The following NDNF variants were observed in gnomAD, a reference collection of about 807,000 sequenced individuals.
The protein encoded by NDNF is neuron derived neurotrophic factor, also known as protein NDNF.
In NDNF, 16 loss-of-function variants were observed where a neutral mutation model predicts 42.0. That is an observed-to-expected ratio of 0.38 (90% CI 0.26 to 0.58). The LOEUF (loss-of-function observed/expected upper bound fraction) is 0.58. NDNF is among the 20% of genes least tolerant of loss of function. The probability of loss-of-function intolerance (pLI) is 0.67; values close to 1 mark genes in which losing one functional copy is unlikely to be tolerated. For missense variants in NDNF, 616 were observed against 666.2 expected, an observed-to-expected ratio of 0.92 and a Z score of 0.83; for synonymous variants, 248 against 251.7, an observed-to-expected ratio of 0.99 and a Z score of 0.14.
intron 3 of NDNF, among the ~76,000 whole-genome samples, chr4:121,039,229 T>G (rs1726952321): frequency 1.6e-5 from 2 of 124,854 alleles, no homozygotes; most frequent in Non-Finnish European, 3.3e-5. Context: ...TATATATATA[T>G]ATATATAAAG....
At chr4:121,042,211 T>C (rs559498388) in intron 2 of NDNF, among the ~76,000 whole-genome samples, 2 of 152,354 alleles carry the variant, frequency 1.3e-5, no homozygotes, top group Admixed American at 1.3e-4. Flanking sequence ...TCTGCATGTA[T>C]GTACTTGATC....
At chr4:121,056,932 C>T (rs758470438) in intron 1 of NDNF, among the ~76,000 whole-genome samples, 6 of 152,176 alleles carry the variant, frequency 3.9e-5, no homozygotes, top group Non-Finnish European at 8.8e-5. Context: ...GCAGTGACAA[C>T]AGAAAAGAGC....
At chr4:121,071,318 A>C (rs1033758819) in intron 1 of NDNF, 1 of 152,098 alleles carries the variant, frequency 6.6e-6, no homozygotes, top group African/African-American at 2.4e-5. Context: ...AGCCCAAGGA[A>C]GTTTCTATAA....
chr4:121,067,649 G>C (rs964603773), intron 1 of NDNF, among the ~76,000 whole-genome samples: 4 of 152,042 alleles, frequency 2.6e-5, no homozygotes, highest in African/African-American at 9.7e-5. Flanking sequence ...GGCCAAATTT[G>C]TCTCTTTATC....
intron 1 of NDNF, among the ~76,000 whole-genome samples, chr4:121,060,687 T>A (rs918228804): frequency 4.6e-5 from 7 of 152,156 alleles, no homozygotes; most frequent in Admixed American, 3.9e-4. Context: ...CATTTATTAC[T>A]ACTACAGAAT....
At position 121,037,295 on chromosome 4, in the gene NDNF, C is replaced by G. The variant is rs758786906; in HGVS notation, c.676G>C (p.Ala226Pro). 1.9e-6 allele frequency: 3 copies of G among 1,614,102 alleles called. No homozygotes were observed. The highest frequency in any genetic ancestry group is 2.5e-6 in the Non-Finnish European group (3 of 1,180,000). ...NKEHNFKSLC[A>P]VEAKLSADDA... ...TCTGCACTCAGTTTTGCTTCCACTG[C>G]ACAGAGACTTTTGAAATTGTGCTCT... Residue 226 changes from alanine (A) to proline (P), a missense_variant, in exon 4 of 4, where the codon GCA (alanine) becomes CCA (proline). Physicochemically the swap from Ala to Pro is conservative, Grantham distance 27. Transcript: ENST00000379692.
At chr4:121,039,237 A>ATATAG (rs1726953150) in intron 3 of NDNF, among the ~76,000 whole-genome samples, 1 of 123,084 alleles carries the variant, frequency 8.1e-6, no homozygotes, top group South Asian at 2.7e-4. Context: ...TATATATATA[A>ATATAG]AGACTATGTA....
chr4:121,061,052 G>A (rs1244781869), intron 1 of NDNF: 1 of 152,144 alleles, frequency 6.6e-6, no homozygotes, highest in East Asian at 1.9e-4. Context: ...GAAAAAAGGG[G>A]AGGGCACACA....
At chr4:121,052,244 A>C (rs1040261305) in intron 1 of NDNF, among the ~76,000 whole-genome samples, 1 of 152,228 alleles carries the variant, frequency 6.6e-6, no homozygotes, top group Non-Finnish European at 1.5e-5. Flanking sequence ...AATTTGAAAA[A>C]ATATATAGTA....
chr4:121,069,521 T>G (rs2148773960), intron 1 of NDNF, among the ~76,000 whole-genome samples: 1 of 152,370 alleles, frequency 6.6e-6, no homozygotes. Context: ...TTCTAGCTTC[T>G]TTTTTATGAT....
chr4:121,036,058 C>T lies in NDNF; in HGVS notation c.*206G>A. On this transcript the variant is annotated 3_prime_UTR_variant, in exon 4 of 4. Coordinates refer to ENST00000379692, the MANE Select transcript of NDNF (RefSeq NM_024574.4). ...CTTTGACACCAACCGGCATCAGACA[C>T]ACACTAGGTACCATGGGGCACGCTA... 1 of 487,244 alleles carries T rather than the reference C, an allele frequency of 2.1e-6. No homozygotes were observed. The highest frequency in any genetic ancestry group is 3.8e-5 in the Admixed American group (1 of 26,334). The allele number at this position is 487,244 out of a possible 1,614,324, so 30.2% of individuals were successfully genotyped here.
chr4:121,039,830 C>T, intron 3 of NDNF, 100 bp downstream of exon 3: 1 of 1,363,742 alleles, frequency 7.3e-7, no homozygotes, highest in Non-Finnish European at 9.8e-7. Context: ...CTTGTGCACC[C>T]ATGCTGCCTT....
rs375404629 is a variant in NDNF, at chr4:121,039,217, T to A, written c.313+713A>T. Reference sequence around the variant, plus strand: ...GTATATATATATATATATATATATATATATATATATATATATATAAAGACT... The same window carrying A: ...GTATATATATATATATATATATATAAATATATATATATATATATAAAGACT... On this transcript the variant is annotated intron_variant, in intron 3 of 3. Transcript: ENST00000379692. Among the ~76,000 whole-genome samples, 12 of 38,970 alleles carry A rather than the reference T, an allele frequency of 3.1e-4. 1 individual carries two copies. Among genetic ancestry groups the A allele is most frequent in the Admixed American group, 6.2e-4 (2 of 3,238 alleles). The allele number at this position is 38,970 out of a possible 152,430, so 25.6% of individuals were successfully genotyped here.
Position 121,056,384 on chromosome 4 carries a change from T to C in NDNF, c.-1-10546A>G, listed in dbSNP as rs189854401. 1.5e-4 allele frequency among the ~76,000 whole-genome samples: 23 copies of C among 152,340 alleles called. No individual in the cohort carries two copies. In the East Asian group the frequency reaches 3.9e-3, roughly 26 times the overall value. The stretch of plus-strand genomic sequence containing the variant: ...CTTTAGGATGGACACCAAGCTTTGA[T>C]GTATAATACTCTACAGGGCAGGTCA... On this transcript the variant is annotated intron_variant, in intron 1 of 3. Transcript: ENST00000379692.
At chr4:121,048,475 A>G (rs552097287) in intron 1 of NDNF, among the ~76,000 whole-genome samples, 35 of 152,300 alleles carry the variant, frequency 2.3e-4, no homozygotes, top group Admixed American at 3.9e-4. Flanking sequence ...AATAGTGTCG[A>G]TTGATAGGAA....
At position 121,036,707 on chromosome 4, in the gene NDNF, T is replaced by C. The variant is rs1342974585; in HGVS notation, c.1264A>G (p.Lys422Glu). The C allele has an allele frequency of 1.2e-6, 2 of 1,614,140 alleles. No individual in the cohort carries two copies. Among genetic ancestry groups the C allele is most frequent in the Admixed American group, 1.7e-5 (1 of 60,004 alleles). The change falls in exon 4 of 4, where the codon AAA (lysine) becomes GAA (glutamate). Residue 422 changes from lysine to glutamate, a missense_variant. Transcript: ENST00000379692. ...KPKAKYLVRL[K>E]GNKKGASMLK... ...ATAGATGCTCCTTTCTTGTTTCCTT[T>C]CAGTCGAACGAGGTATTTAGCTTTA...
chr4:121,066,912 G>A (rs575680844), intron 1 of NDNF, among the ~76,000 whole-genome samples: 22 of 152,260 alleles, frequency 1.4e-4, no homozygotes, highest in Admixed American at 4.6e-4. Flanking sequence ...CTTGATTTCC[G>A]CTTAGAGAGA....
chr4:121,066,460 T>C (rs767137116), intron 1 of NDNF, among the ~76,000 whole-genome samples: 9 of 152,184 alleles, frequency 5.9e-5, no homozygotes, highest in Non-Finnish European at 1.2e-4. Context: ...AATAAATCAA[T>C]CAGGCCCTAT....
rs74949601 is a variant in NDNF at position 121,055,521 on chromosome 4, A to G, written c.-1-9683T>C. On this transcript the variant is annotated intron_variant, in intron 1 of 3. Coordinates refer to ENST00000379692, the MANE Select transcript of NDNF (RefSeq NM_024574.4). ...AATGAGAGAAATAAATTAGTTAAGC[A>G]GAATTTTCAGGTGGCATCAAATAGC... is the stretch of plus-strand genomic sequence containing the variant. 7.4e-3 allele frequency among the ~76,000 whole-genome samples: 1,114 copies of G among 151,458 alleles called. 8 individuals are homozygous for G. The highest frequency in any genetic ancestry group is 0.02 in the Middle Eastern group (6 of 294).
Sources: allele counts gnomAD v4.1 joint callset (sites outside exome capture counted in the v4.1 genomes callset), GRCh38; gene constraint gnomAD v4.1.1; transcripts MANE v1.5; gene names NCBI Gene and HGNC (gene_info 2026-07-23, HGNC 2026-07-21).